The following VPS37A variants were observed in gnomAD, a reference collection of about 807,000 sequenced individuals.
The protein encoded by VPS37A is vacuolar protein sorting-associated protein 37A.
A neutral mutation model predicts 49.8 loss-of-function variants in VPS37A; 30 were observed. The ratio of observed to expected loss-of-function variants is 0.60; its 90% CI spans 0.45 to 0.82. The LOEUF is 0.82. VPS37A is among the 40% of genes least tolerant of loss of function. VPS37A has a pLI of 0.00. For missense variants in VPS37A, 593 were observed against 464.4 expected, an observed-to-expected ratio of 1.28 and a Z score of -2.55; for synonymous variants, 195 against 160.6, an observed-to-expected ratio of 1.21 and a Z score of -1.62.
chr8:17,274,202 C>T (rs1269951682), intron 4 of VPS37A, among the ~76,000 whole-genome samples: 1 of 152,206 alleles, frequency 6.6e-6, no homozygotes, highest in Admixed American at 6.5e-5. Context: ...CTCTAATATA[C>T]ATGCGTGTTT....
intron 1 of VPS37A, among the ~76,000 whole-genome samples, chr8:17,265,162 T>A (rs1414256162): frequency 6.6e-6 from 1 of 152,180 alleles, no homozygotes; most frequent in African/African-American, 2.4e-5. Context: ...GAGTCACTCA[T>A]GGTGGAAAAT....
chr8:17,311,742 A>T, the VPS37A span: 3 of 1,531,148 alleles, frequency 2.0e-6, no homozygotes, highest in African/African-American at 4.1e-5. Flanking sequence ...GAAACAGCCA[A>T]AACGAAACAC....
At chr8:17,266,088 C>G in intron 2 of VPS37A, 107 bp downstream of exon 2, 1 of 942,206 alleles carries the variant, frequency 1.1e-6, no homozygotes, top group East Asian at 2.7e-5. Flanking sequence ...TTTCAAGTAA[C>G]TATAATTTAT....
chr8:17,313,356 A>T, the VPS37A span: 1 of 1,613,130 alleles, frequency 6.2e-7, no homozygotes, highest in Non-Finnish European at 8.5e-7. Context: ...AGAGTTCTCC[A>T]GACCCCACAG....
intron 10 of VPS37A, among the ~76,000 whole-genome samples, chr8:17,285,592 C>A (rs1815515048): frequency 1.3e-5 from 2 of 152,160 alleles, no homozygotes; most frequent in African/African-American, 4.8e-5. Context: ...CACACACATA[C>A]ACACACTCCT....
chr8:17,287,974 C>T (rs1032997109), intron 11 of VPS37A, among the ~76,000 whole-genome samples: 1 of 152,112 alleles, frequency 6.6e-6, no homozygotes, highest in Non-Finnish European at 1.5e-5. Flanking sequence ...AAATGACAGG[C>T]GTTTCTCATG....
intron 6 of VPS37A, chr8:17,279,817 A>T: frequency 1.6e-6 from 1 of 643,024 alleles, no homozygotes; most frequent in Non-Finnish European, 2.8e-6. Flanking sequence ...ACTTTTACAG[A>T]TTCTGTCAAG....
At chr8:17,300,325 T>C, downstream of VPS37A, 1 of 1,269,520 alleles carries the variant, frequency 7.9e-7, no homozygotes, top group South Asian at 1.5e-5. Flanking sequence ...GTGGGTATAA[T>C]GTTAAGAACA....
chr8:17,280,569 T>C lies in VPS37A; in HGVS notation c.969+126T>C, dbSNP rs1453172899. On this transcript the variant is annotated intron_variant, in intron 9 of 11. Coordinates refer to ENST00000324849, the MANE Select transcript of VPS37A (RefSeq NM_152415.3). ...AGGTATCTGACCTTATAAGACATGA[T>C]ACCTTTAAACGTGGATGAACAGCTC... 3 of 828,436 alleles carry C rather than the reference T, an allele frequency of 3.6e-6. No individual in the cohort carries two copies. In the African/African-American group the frequency reaches 5.2e-5, roughly 14 times the overall value. The allele number at this position is 828,436 out of a possible 1,614,324, so 51.3% of individuals were successfully genotyped here.
intron 1 of VPS37A, among the ~76,000 whole-genome samples, chr8:17,265,199 C>G (rs977297460): frequency 3.3e-5 from 5 of 152,182 alleles, no homozygotes; most frequent in African/African-American, 1.2e-4. Flanking sequence ...GTTCCTAGAT[C>G]CAAGGAGGAA....
At chr8:17,251,202 C>T (rs1811943750) in intron 1 of VPS37A, among the ~76,000 whole-genome samples, 2 of 152,136 alleles carry the variant, frequency 1.3e-5, no homozygotes, top group African/African-American at 4.8e-5. Flanking sequence ...ACTGTGGAAG[C>T]AGGACTCTTG....
At chr8:17,254,602 A>AT (rs1229829536) in intron 1 of VPS37A, among the ~76,000 whole-genome samples, 1 of 150,802 alleles carries the variant, frequency 6.6e-6, no homozygotes, top group East Asian at 1.9e-4. Context: ...TTGGATTGTG[A>AT]TTTTTTTCCT....
chr8:17,315,572 T>C, the VPS37A span, among the ~76,000 whole-genome samples: 1 of 152,194 alleles, frequency 6.6e-6, no homozygotes. Context: ...CAGGCAGGGC[T>C]AGCTGGGACT....
At chr8:17,303,673 G>A (rs1036793920), downstream of VPS37A, among the ~76,000 whole-genome samples, 10 of 150,130 alleles carry the variant, frequency 6.7e-5, no homozygotes, top group African/African-American at 1.2e-4. Flanking sequence ...GCAATGGCAC[G>A]ATCTCGGCTC....
chr8:17,247,514 T>G, intron 1 of VPS37A, 145 bp downstream of exon 1: 1 of 1,096,254 alleles, frequency 9.1e-7, no homozygotes, highest in South Asian at 1.5e-5. Flanking sequence ...ACGCTTGCTC[T>G]GCCACTCCTG....
rs1345539786 is a variant in VPS37A, at chr8:17,247,030, C to T, written c.-215C>T. 2 of 625,214 alleles carry T rather than the reference C, an allele frequency of 3.2e-6. No individual in the cohort carries two copies. The highest frequency in any genetic ancestry group is 2.9e-5 in the East Asian group (1 of 34,822). 38.7% of individuals were successfully genotyped at this position (625,214 alleles called of 1,614,324 possible). On this transcript the variant is annotated 5_prime_UTR_variant, in exon 1 of 12. Coordinates refer to ENST00000324849, the MANE Select transcript of VPS37A (RefSeq NM_152415.3). ...TGAAGGTGGGACCTCCTGTTCCGGG[C>T]CGCAAGTTTCCCTCTCCAGCCGCCC...
At chr8:17,255,235 C>T (rs547654573) in intron 1 of VPS37A, among the ~76,000 whole-genome samples, 1 of 152,228 alleles carries the variant, frequency 6.6e-6, no homozygotes, top group East Asian at 1.9e-4. Flanking sequence ...AATCCCAGCA[C>T]TTTGGGAGGC....
At chr8:17,321,840 A>G in the VPS37A span, among the ~76,000 whole-genome samples, 1 of 152,248 alleles carries the variant, frequency 6.6e-6, no homozygotes, top group African/African-American at 2.4e-5. Flanking sequence ...ACATGTCACA[A>G]ACATATATAA....
chr8:17,320,916 A>C, the VPS37A span, among the ~76,000 whole-genome samples: 2 of 152,162 alleles, frequency 1.3e-5, no homozygotes, highest in African/African-American at 4.8e-5. Flanking sequence ...ACTTAATCCT[A>C]AAATACACAC....
Sources: allele counts gnomAD v4.1 joint callset (sites outside exome capture counted in the v4.1 genomes callset), GRCh38; gene constraint gnomAD v4.1.1; transcripts MANE v1.5; gene names NCBI Gene and HGNC (gene_info 2026-07-23, HGNC 2026-07-21).